The following PARP11 variants were observed in gnomAD, a reference collection of about 807,000 sequenced individuals.
The protein encoded by PARP11 is protein mono-ADP-ribosyltransferase PARP11.
In PARP11, 31 loss-of-function variants were observed where a neutral mutation model predicts 42.9. The observed-to-expected ratio is 0.72, with a 90% CI of 0.54 to 0.98. The LOEUF is 0.98. Among genes scored for constraint, PARP11 ranks in the 50% least tolerant of loss-of-function variants. PARP11 has a pLI of 0.00. For missense variants in PARP11, 365 were observed against 413.1 expected (o/e 0.88, Z 1.01); for synonymous variants, 137 against 127.3 (o/e 1.08, Z -0.51).
chr12:3,823,945 C>A (rs1947462068), intron 4 of PARP11, among the ~76,000 whole-genome samples: 1 of 151,380 alleles, frequency 6.6e-6, no homozygotes. Context: ...TACAGGAACA[C>A]ATTTGTTCAT....
At chr12:3,855,393 C>T (rs1325596794) in intron 1 of PARP11, among the ~76,000 whole-genome samples, 1 of 152,208 alleles carries the variant, frequency 6.6e-6, no homozygotes. Flanking sequence ...CCCATCGTCT[C>T]AGCCCAAAAT....
At chr12:3,859,200 C>T (rs2138111942) in intron 1 of PARP11, among the ~76,000 whole-genome samples, 1 of 152,006 alleles carries the variant, frequency 6.6e-6, no homozygotes, top group South Asian at 2.1e-4. Flanking sequence ...GGTACTATCT[C>T]CAAGATACAT....
chr12:3,831,855 C>CT lies in PARP11; in HGVS notation c.19-1838dup, dbSNP rs537687857. ...AGTAAACTATTCACAATTCCTACTG[C>CT]TTTTTTTTATTAATGTTCATTTCAT... On this transcript the variant is annotated intron_variant, in intron 1 of 7. Transcript: ENST00000228820. Among the ~76,000 whole-genome samples, 587 of 151,902 alleles carry CT rather than the reference C, an allele frequency of 3.9e-3. 4 individuals are homozygous for CT. The highest frequency in any genetic ancestry group is 0.014 in the Middle Eastern group (4 of 294).
intron 1 of PARP11, chr12:3,842,449 G>A (rs938621698): frequency 4.5e-5 from 73 of 1,608,210 alleles, no homozygotes; most frequent in Non-Finnish European, 5.3e-5. Context: ...AAATGTCAGA[G>A]GGCGACCATT....
At chr12:3,815,746 G>C (rs1947273383) in intron 6 of PARP11, among the ~76,000 whole-genome samples, 1 of 152,120 alleles carries the variant, frequency 6.6e-6, no homozygotes, top group Admixed American at 6.5e-5. Context: ...ACCTCTCTTA[G>C]CTTGCTAAAT....
intron 6 of PARP11, among the ~76,000 whole-genome samples, chr12:3,817,689 C>T (rs1051697798): frequency 4.6e-5 from 7 of 152,208 alleles, no homozygotes; most frequent in African/African-American, 1.7e-4. Flanking sequence ...CAAAATTATC[C>T]ACCTCTTAGG....
At chr12:3,872,177 C>G (rs1382949665) in intron 1 of PARP11, among the ~76,000 whole-genome samples, 5 of 152,184 alleles carry the variant, frequency 3.3e-5, no homozygotes, top group Admixed American at 1.3e-4. Context: ...TCTGAACAAA[C>G]AGACCTTGCT....
intron 1 of PARP11, among the ~76,000 whole-genome samples, chr12:3,864,926 CTGTT>C (rs748206742): frequency 6.6e-6 from 1 of 152,076 alleles, no homozygotes; most frequent in Non-Finnish European, 1.5e-5. Flanking sequence ...TTCCTTGCTC[CTGTT>C]TAACTTCTTC....
chr12:3,827,665 A>T lies in PARP11; in HGVS notation c.268+1245T>A, dbSNP rs770379219. ...TAATGGTTTTTAACTCTTGATAATT[A>T]AAAAAAAAAGCAAGAAAAACAACTT... On this transcript the variant is annotated intron_variant, in intron 3 of 7. Coordinates refer to ENST00000228820, the MANE Select transcript of PARP11 (RefSeq NM_020367.6). Among the ~76,000 whole-genome samples, 211 of 148,788 alleles carry T rather than the reference A, an allele frequency of 1.4e-3. 1 individual carries two copies. The highest frequency in any genetic ancestry group is 2.6e-3 in the Non-Finnish European group (174 of 66,856).
rs960189951 is a variant in PARP11, at chr12:3,840,711, G to A, written c.19-10693C>T. On this transcript the variant is annotated intron_variant, in intron 1 of 7. Transcript: ENST00000228820. The surrounding 1 kb of genome is among the most constrained non-coding windows in gnomAD (Gnocchi z 4.4). ...AGGCGGAGAATGGATACAGAAGAAC[G>A]AAAAGACAAAGACTCTATTCATGGA... 11 of 1,286,530 alleles carry A rather than the reference G, an allele frequency of 8.6e-6. No homozygotes were observed. The highest frequency in any genetic ancestry group is 1.2e-5 in the South Asian group (1 of 84,400). The allele number at this position is 1,286,530 out of a possible 1,614,324, so 79.7% of individuals were successfully genotyped here. A position where few individuals can be genotyped will look rare whatever the true frequency, so the allele number is the denominator to read the frequency against.
chr12:3,829,412 C>T (rs1415452467), intron 2 of PARP11, among the ~76,000 whole-genome samples: 1 of 152,148 alleles, frequency 6.6e-6, no homozygotes, highest in African/African-American at 2.4e-5. Flanking sequence ...GGATTCAAAT[C>T]TCAGTTTAAC....
chr12:3,871,219 T>C (rs1948471960), intron 1 of PARP11, among the ~76,000 whole-genome samples: 1 of 152,196 alleles, frequency 6.6e-6, no homozygotes, highest in Non-Finnish European at 1.5e-5. Context: ...ATTGCAAATA[T>C]GGAAATTAGG....
chr12:3,834,229 C>T (rs1947707920), intron 1 of PARP11, among the ~76,000 whole-genome samples: 1 of 152,136 alleles, frequency 6.6e-6, no homozygotes, highest in African/African-American at 2.4e-5. Context: ...GGCATGGAGA[C>T]TTTGCTCAGG....
intron 1 of PARP11, among the ~76,000 whole-genome samples, chr12:3,847,680 A>G: frequency 6.6e-6 from 1 of 152,220 alleles, no homozygotes; most frequent in South Asian, 2.1e-4. Flanking sequence ...ATCTCAAAAT[A>G]ATAAAGGCCA....
rs1441792761 is a variant in PARP11 at position 3,814,159 on chromosome 12, C to A, written c.578G>T (p.Gly193Val). ...CATTTGTTCATTAATCTGAGGCACA[C>A]CTCTTTTTTTCTTGAGCTGAGCCTT... ...RKKAQLKKKR[G>V]VPQINEQMLF... The change falls in exon 7 of 8, where the codon GGT becomes GTT. Residue 193 changes from glycine to valine, a missense_variant. Gly to Val is a moderately radical substitution (Grantham distance 109). Coordinates refer to ENST00000228820, the MANE Select transcript of PARP11 (RefSeq NM_020367.6). 1 of 1,603,848 alleles carries A rather than the reference C, an allele frequency of 6.2e-7. No homozygotes were observed. Among genetic ancestry groups the A allele is most frequent in the African/African-American group, 1.3e-5 (1 of 74,856 alleles).
intron 7 of PARP11, 142 bp downstream of exon 7, chr12:3,813,895 G>T: frequency 1.8e-6 from 1 of 544,938 alleles, no homozygotes; most frequent in Non-Finnish European, 3.0e-6. Context: ...ATCTATTCTC[G>T]TACACAATGC....
At position 3,826,209 on chromosome 12, in the gene PARP11, G is replaced by A. The variant is rs1947519884; in HGVS notation, c.293C>T (p.Thr98Ile). 6.3e-7 allele frequency: 1 copy of A among 1,597,564 alleles called. No individual in the cohort carries two copies. Among genetic ancestry groups the A allele is most frequent in the South Asian group, 1.1e-5 (1 of 87,880 alleles). ...FAEMKQMNLTTGKQRLIKRAP... is the reference protein window; with the variant it reads ...FAEMKQMNLTIGKQRLIKRAP... ...TCTTTTTATTAAGCGCTGCTTTCCA[G>A]TGGTGAGATTCATTTGCTTCATTTC... Residue 98 changes from threonine (T) to isoleucine (I), a missense_variant, in exon 4 of 8, where the codon ACT becomes ATT. Physicochemically the swap from Thr to Ile is moderately conservative, Grantham distance 89. Coordinates refer to ENST00000228820, the MANE Select transcript of PARP11 (RefSeq NM_020367.6).
In PARP11 at chr12:3,810,184, C is replaced by G. The variant is rs1947140625; in HGVS notation, c.*1939G>C. 1 of 152,158 alleles carries G rather than the reference C, an allele frequency of 6.6e-6. No homozygotes were observed. The highest frequency in any genetic ancestry group is 6.5e-5 in the Admixed American group (1 of 15,278). The allele number at this position is 152,158 out of a possible 1,614,324, so 9.4% of individuals were successfully genotyped here. On this transcript the variant is annotated 3_prime_UTR_variant, in exon 8 of 8. Transcript: ENST00000228820. ...AGAAGTTAAATTGTGTACACTAACT[C>G]TCAGCCAAAATTGGGTGAGGATAAT...
intron 1 of PARP11, among the ~76,000 whole-genome samples, chr12:3,834,124 A>C (rs996491356): frequency 2.0e-5 from 3 of 152,190 alleles, no homozygotes; most frequent in Admixed American, 6.5e-5. Flanking sequence ...TCAGCTAAGA[A>C]GACCAAGGGC....
Sources: gnomAD v4.1 joint callset for allele counts (sites outside exome capture counted in the v4.1 genomes callset) on GRCh38, gnomAD v4.1.1 for gene constraint, Gnocchi (gnomAD v3.1) non-coding constraint, MANE v1.5 for transcripts, NCBI Gene and HGNC (gene_info 2026-07-23, HGNC 2026-07-21) for gene names.